SCFD2: variants seen among roughly 807,000 people sequenced by gnomAD.
SCFD2 encodes the protein sec1 family domain containing 2.
SCFD2 carries 54 observed loss-of-function variants against 58.9 expected under a neutral mutation model. That is an observed-to-expected ratio of 0.92 (90% CI 0.74 to 1.15). The LOEUF is 1.15. SCFD2 is among the 50% of genes most tolerant of loss of function. The pLI is 0.00. For synonymous variants in SCFD2, 321 were observed against 335.9 expected (o/e 0.96, Z 0.49); for missense variants, 805 against 836.6 (o/e 0.96, Z 0.47).
At chr4:53,268,142 G>A (rs1731048992) in intron 4 of SCFD2, among the ~76,000 whole-genome samples, 1 of 152,064 alleles carries the variant, frequency 6.6e-6, no homozygotes, top group Non-Finnish European at 1.5e-5. Flanking sequence ...GTGTCCACAG[G>A]GGAGACAATG....
At chr4:52,973,953 T>C (rs1039010728) in intron 5 of SCFD2, among the ~76,000 whole-genome samples, 18 of 152,186 alleles carry the variant, frequency 1.2e-4, no homozygotes, top group African/African-American at 1.9e-4. Context: ...AAAAAGTCCT[T>C]TGACAAAATT....
intron 5 of SCFD2, among the ~76,000 whole-genome samples, chr4:53,021,441 A>T (rs1722347378): frequency 6.6e-6 from 1 of 152,100 alleles, no homozygotes; most frequent in Non-Finnish European, 1.5e-5. Context: ...GAGATTACTA[A>T]TTTTTTCTAA....
chr4:53,067,843 A>G (rs1362517843), intron 5 of SCFD2, among the ~76,000 whole-genome samples: 1 of 152,108 alleles, frequency 6.6e-6, no homozygotes, highest in Non-Finnish European at 1.5e-5. Flanking sequence ...TATAACCAGC[A>G]AATACAGGAA....
intron 5 of SCFD2, among the ~76,000 whole-genome samples, chr4:52,977,226 G>C (rs781713850): frequency 2.0e-5 from 3 of 152,112 alleles, no homozygotes; most frequent in Admixed American, 6.5e-5. Flanking sequence ...AAATTCAATT[G>C]TTTTTGTTTA....
intron 5 of SCFD2, among the ~76,000 whole-genome samples, chr4:52,943,254 A>T (rs572245432): frequency 1.3e-5 from 2 of 152,162 alleles, no homozygotes; most frequent in Admixed American, 1.3e-4. Flanking sequence ...ACAAAACAAA[A>T]CAAAACAAAA....
At chr4:53,236,338 G>T (rs1729607290) in intron 4 of SCFD2, among the ~76,000 whole-genome samples, 1 of 151,888 alleles carries the variant, frequency 6.6e-6, no homozygotes, top group South Asian at 2.1e-4. Flanking sequence ...ACTATTGTGA[G>T]ACCTTGTGAT....
At chr4:53,231,355 G>A (rs1484194931) in intron 4 of SCFD2, among the ~76,000 whole-genome samples, 1 of 152,020 alleles carries the variant, frequency 6.6e-6, no homozygotes, top group African/African-American at 2.4e-5. Context: ...TGCTGTCAAA[G>A]CATGGCGTCT....
chr4:53,089,060 G>A (rs1273061441), intron 5 of SCFD2, among the ~76,000 whole-genome samples: 3 of 152,184 alleles, frequency 2.0e-5, no homozygotes, highest in South Asian at 2.1e-4. Flanking sequence ...CCTGGAAGAA[G>A]GCCCTCACCA....
At chr4:53,094,048 G>A (rs1238916511) in intron 5 of SCFD2, among the ~76,000 whole-genome samples, 1 of 152,106 alleles carries the variant, frequency 6.6e-6, no homozygotes, top group Non-Finnish European at 1.5e-5. Context: ...AAGTTACAAG[G>A]ATGTAGGTTT....
chr4:53,053,967 T>G (rs186478257), intron 5 of SCFD2, among the ~76,000 whole-genome samples: 83 of 152,274 alleles, frequency 5.5e-4, no homozygotes, highest in Non-Finnish European at 2.1e-4. Context: ...TGTCGCTATT[T>G]TGAAATACAC....
At chr4:52,895,854 C>G (rs188261765) in intron 7 of SCFD2, among the ~76,000 whole-genome samples, 1 of 152,344 alleles carries the variant, frequency 6.6e-6, no homozygotes, top group African/African-American at 2.4e-5. Context: ...GATCGCCATT[C>G]TAACTGGTGT....
chr4:52,944,240 T>A (rs1388233169), intron 5 of SCFD2, among the ~76,000 whole-genome samples: 1 of 152,226 alleles, frequency 6.6e-6, no homozygotes, highest in Non-Finnish European at 1.5e-5. Flanking sequence ...ACAAATTATG[T>A]ATTACTGTTT....
chr4:53,199,177 G>A (rs376189585), intron 4 of SCFD2, among the ~76,000 whole-genome samples: 2 of 152,058 alleles, frequency 1.3e-5, no homozygotes, highest in African/African-American at 4.8e-5. Flanking sequence ...TTTCATCTCT[G>A]AGTGATGGCA....
intron 5 of SCFD2, among the ~76,000 whole-genome samples, chr4:53,070,460 A>G (rs747860601): frequency 1.3e-5 from 2 of 152,122 alleles, no homozygotes; most frequent in Non-Finnish European, 2.9e-5. Context: ...CTTAATTTGT[A>G]TCCAAAATGA....
At chr4:53,124,905 A>G (rs918332253) in intron 5 of SCFD2, among the ~76,000 whole-genome samples, 1 of 152,198 alleles carries the variant, frequency 6.6e-6, no homozygotes, top group African/African-American at 2.4e-5. Flanking sequence ...AACAAACAAC[A>G]ATAATAACTA....
chr4:52,885,148 A>G (rs1397316584), intron 8 of SCFD2, among the ~76,000 whole-genome samples: 1 of 152,086 alleles, frequency 6.6e-6, no homozygotes, highest in Admixed American at 6.5e-5. Flanking sequence ...GAAAGCTACA[A>G]CACTAGTCAT....
At chr4:52,893,330 C>A (rs1718922437) in intron 7 of SCFD2, among the ~76,000 whole-genome samples, 1 of 152,102 alleles carries the variant, frequency 6.6e-6, no homozygotes, top group South Asian at 2.1e-4. Context: ...CTCAGCCTCC[C>A]CAGCAGCCGG....
At chr4:52,985,104 T>G (rs973220516) in intron 5 of SCFD2, among the ~76,000 whole-genome samples, 4 of 152,200 alleles carry the variant, frequency 2.6e-5, no homozygotes, top group Admixed American at 2.0e-4. Context: ...CTTCAGACAA[T>G]TTAAGTTTTA....
chr4:52,901,587 T>C (rs1213206478), intron 7 of SCFD2, among the ~76,000 whole-genome samples: 1 of 152,316 alleles, frequency 6.6e-6, no homozygotes, highest in Non-Finnish European at 1.5e-5. Context: ...TCTGACTATA[T>C]GAATGAGCCA....
Sources: allele counts gnomAD v4.1 joint callset (sites outside exome capture counted in the v4.1 genomes callset), GRCh38; gene constraint gnomAD v4.1.1; transcripts MANE v1.5; gene names NCBI Gene and HGNC (gene_info 2026-07-23, HGNC 2026-07-21).